The following SRGAP3 variants were observed in gnomAD, a reference collection of about 807,000 sequenced individuals.
SRGAP3 encodes the protein SLIT-ROBO Rho GTPase-activating protein 3.
SRGAP3 carries 39 observed loss-of-function variants against 121.1 expected under a neutral mutation model. That is an observed-to-expected ratio of 0.32 (90% CI 0.25 to 0.42). SRGAP3 has a LOEUF of 0.42. Among genes scored for constraint, SRGAP3 ranks in the 10% least tolerant of loss-of-function variants. The pLI is 1.00. For synonymous variants in SRGAP3, 601 were observed against 570.0 expected, an observed-to-expected ratio of 1.05 and a Z score of -0.77; for missense variants, 1,213 against 1,470.6, an observed-to-expected ratio of 0.82 and a Z score of 2.86.
Position 8,985,818 on chromosome 3 carries a change from G to C in SRGAP3, c.3001C>G (p.Pro1001Ala), listed in dbSNP as rs751285274. Reference protein sequence around the residue: ...VLDTLEPLKNPPGPVSSEPAS... With the variant: ...VLDTLEPLKNAPGPVSSEPAS... ...GGCTCCGAGCTGACGGGGCCTGGCG[G>C]GTTCTTCAGGGGCTCCAGGGTGTCC... The change falls in exon 22 of 22, where the codon CCG becomes GCG. Residue 1001 changes from proline to alanine, a missense_variant. Physicochemically the swap from Pro to Ala is conservative, Grantham distance 27. This residue lies in a region of SRGAP3 where 420 missense variants were observed against 437.7 expected (regional missense o/e 0.96). Transcript: ENST00000383836. This position sits in a 1 kb window ranked among gnomAD's most constrained non-coding sequence, Gnocchi z 5.1. The C allele has an allele frequency of 4.4e-6, 7 of 1,600,456 alleles. No homozygotes were observed. The African/African-American group carries it at 8.0e-5, about 18-fold the overall frequency.
intron 1 of SRGAP3, among the ~76,000 whole-genome samples, chr3:9,189,847 C>T (rs957736591): frequency 6.6e-6 from 1 of 152,136 alleles, no homozygotes; most frequent in South Asian, 2.1e-4. Context: ...TAAAAAGAAC[C>T]CAGCTCTCCC....
At chr3:9,202,892 C>G (rs117735967) in intron 1 of SRGAP3, among the ~76,000 whole-genome samples, 1 of 152,206 alleles carries the variant, frequency 6.6e-6, no homozygotes, top group African/African-American at 2.4e-5. Flanking sequence ...TCCTTCCTTT[C>G]CTTTTGTGGG....
chr3:9,107,144 T>A (rs2124921611), intron 2 of SRGAP3, among the ~76,000 whole-genome samples: 1 of 152,310 alleles, frequency 6.6e-6, no homozygotes, highest in South Asian at 2.1e-4. Context: ...CAACCAGATT[T>A]CTCCTTGGCT....
chr3:9,261,875 T>TAA (rs1559248968), intron 3 of SRGAP3, among the ~76,000 whole-genome samples: 20 of 78,456 alleles, frequency 2.5e-4, no homozygotes, highest in Non-Finnish European at 4.6e-4. Flanking sequence ...CCTCATATAT[T>TAA]TAAAAAAAAA....
In SRGAP3 at chr3:9,112,292, C is replaced by T. The variant is rs116527809; in HGVS notation, c.261-7450G>A. On this transcript the variant is annotated intron_variant, in intron 2 of 21. Transcript: ENST00000383836. ...TCAGGCCTCACACTGGGCTTGCGTC[C>T]GAGAAATGCTAACTCAATCAGTTCT... Among the ~76,000 whole-genome samples the T allele has an allele frequency of 6.8e-3, 1,034 of 152,282 alleles. 15 individuals are homozygous for T. Among genetic ancestry groups the T allele is most frequent in the African/African-American group, 0.024 (991 of 41,560 alleles).
chr3:8,983,953 G>A lies in SRGAP3; in HGVS notation c.*1566C>T, dbSNP rs1284102870. ...GGAAAAGCCCCTGGGTCTCGCAGGA[G>A]AGGGTAAGTAACAGCGGCCCACAGG... On this transcript the variant is annotated 3_prime_UTR_variant, in exon 22 of 22. Transcript: ENST00000383836. 4.3e-6 allele frequency: 1 copy of A among 230,136 alleles called. No individual in the cohort carries two copies. Among genetic ancestry groups the A allele is most frequent in the Non-Finnish European group, 8.6e-6 (1 of 116,172 alleles). The allele number at this position is 230,136 out of a possible 1,614,324, so 14.3% of individuals were successfully genotyped here.
chr3:9,190,460 C>G (rs147231777), intron 1 of SRGAP3, among the ~76,000 whole-genome samples: 27 of 152,274 alleles, frequency 1.8e-4, no homozygotes, highest in East Asian at 1.5e-3. Flanking sequence ...CAGTTTTGCT[C>G]AAAAGATTCC....
At chr3:9,332,940 A>C (rs1955634153) in intron 1 of SRGAP3, among the ~76,000 whole-genome samples, 1 of 152,218 alleles carries the variant, frequency 6.6e-6, no homozygotes, top group Non-Finnish European at 1.5e-5. Flanking sequence ...ATTAGCTCAA[A>C]GCATGATATG....
rs545963183 is a variant in SRGAP3 at position 9,184,943 on chromosome 3, C to T, written c.68-60026G>A. Among the ~76,000 whole-genome samples, 9 of 152,276 alleles carry T rather than the reference C, an allele frequency of 5.9e-5. No homozygotes were observed. In the South Asian group the frequency reaches 1.9e-3, roughly 32 times the overall value. On this transcript the variant is annotated intron_variant, in intron 1 of 21. Transcript: ENST00000383836. ...GCAACAGCAAGGATCCCACCTTGTT[C>T]CCAAGCCCTGGGCTGGCTGTTGTAT...
In SRGAP3 at chr3:9,046,467, T is replaced by C. The variant is rs755965845; in HGVS notation, c.1408+924A>G. 2.4e-4 allele frequency among the ~76,000 whole-genome samples: 37 copies of C among 152,312 alleles called. No homozygotes were observed. The Middle Eastern group carries it at 0.024, about 98-fold the overall frequency. On this transcript the variant is annotated intron_variant, in intron 10 of 21. Coordinates refer to ENST00000383836, the MANE Select transcript of SRGAP3 (RefSeq NM_014850.4). ...TGCGGCACAGTAAGGAAAGGGAGAA[T>C]GACTGATGAGGTCAGGGAAGCAGGC...
intron 3 of SRGAP3, among the ~76,000 whole-genome samples, chr3:9,083,303 T>C (rs567823393): frequency 6.6e-6 from 1 of 152,334 alleles, no homozygotes; most frequent in Non-Finnish European, 1.5e-5. Context: ...TAAAGGCACA[T>C]GGTTAAAGAA....
chr3:9,059,717 A>C (rs1434506892), intron 6 of SRGAP3: 4 of 210,710 alleles, frequency 1.9e-5, no homozygotes, highest in Non-Finnish European at 3.9e-5. Context: ...CCATTTGCTT[A>C]AGCTGCCCGA....
chr3:9,325,839 T>C (rs1301967499), intron 3 of SRGAP3, among the ~76,000 whole-genome samples: 1 of 151,948 alleles, frequency 6.6e-6, no homozygotes, highest in African/African-American at 2.4e-5. Flanking sequence ...TAAGTGTACA[T>C]AATAGACCCC....
At chr3:9,298,229 C>A (rs1434204722) in intron 3 of SRGAP3, among the ~76,000 whole-genome samples, 1 of 152,094 alleles carries the variant, frequency 6.6e-6, no homozygotes, top group Non-Finnish European at 1.5e-5. Context: ...AATGTACTTA[C>A]CATAGTGCTT....
At chr3:8,999,973 T>G (rs1379054391) in intron 18 of SRGAP3, among the ~76,000 whole-genome samples, 2 of 152,070 alleles carry the variant, frequency 1.3e-5, no homozygotes, top group Non-Finnish European at 2.9e-5. Flanking sequence ...CTATAAAAAT[T>G]TAGTGAGAAA....
intron 18 of SRGAP3, among the ~76,000 whole-genome samples, chr3:8,995,158 C>A (rs1942312187): frequency 6.6e-6 from 1 of 152,068 alleles, no homozygotes; most frequent in Admixed American, 6.6e-5. Context: ...GGGTCATAAT[C>A]CTAGTGCTGG....
intron 1 of SRGAP3, among the ~76,000 whole-genome samples, chr3:9,198,677 C>T (rs1172509234): frequency 2.0e-5 from 3 of 152,222 alleles, no homozygotes; most frequent in Non-Finnish European, 4.4e-5. Context: ...CTCCCAGCAC[C>T]TGGCATTGTG....
At chr3:9,211,344 T>C (rs1952439888) in intron 1 of SRGAP3, among the ~76,000 whole-genome samples, 1 of 152,134 alleles carries the variant, frequency 6.6e-6, no homozygotes, top group Non-Finnish European at 1.5e-5. Context: ...AAAAAAAACA[T>C]CTGAAAACCA....
chr3:9,277,710 T>C (rs893290319), intron 3 of SRGAP3, among the ~76,000 whole-genome samples: 3 of 151,452 alleles, frequency 2.0e-5, no homozygotes, highest in Non-Finnish European at 4.4e-5. Context: ...AGCCTGGGAA[T>C]GTGAAGGTTG....
Sources: gnomAD v4.1 joint callset for allele counts (sites outside exome capture counted in the v4.1 genomes callset) on GRCh38, gnomAD v4.1.1 for gene constraint, gnomAD v4.1.1 regional missense constraint, Gnocchi (gnomAD v3.1) non-coding constraint, MANE v1.5 for transcripts, NCBI Gene and HGNC (gene_info 2026-07-23, HGNC 2026-07-21) for gene names.